Variants in ZNF500 observed in about 807,000 individuals in gnomAD.
ZNF500 encodes the protein zinc finger protein 500, also known as zinc finger protein with KRAB and SCAN domains 18.
In ZNF500, 31 loss-of-function variants were observed where a neutral mutation model predicts 30.1. The ratio of observed to expected loss-of-function variants is 1.03; its 90% CI spans 0.77 to 1.39. The LOEUF (loss-of-function observed/expected upper bound fraction) is 1.39. Ranked by LOEUF, ZNF500 falls within the 40% of genes most tolerant of loss-of-function variation. The pLI is 0.00. For synonymous variants in ZNF500, 392 were observed against 282.0 expected, an observed-to-expected ratio of 1.39 and a Z score of -3.91; for missense variants, 817 against 657.8, an observed-to-expected ratio of 1.24 and a Z score of -2.65.
chr16:4,766,164 GC>G, intron 1 of ZNF500, 88 bp from the exon 2 acceptor site: 1 of 542,314 alleles, frequency 1.8e-6, no homozygotes, highest in Non-Finnish European at 3.0e-6. Context: ...TGGTTCCAAG[GC>G]CAGCTCACCC....
chr16:4,747,707 GTT>G, downstream of ZNF500: 2 of 1,461,750 alleles, frequency 1.4e-6, no homozygotes, highest in South Asian at 2.8e-5. Flanking sequence ...TCCCCTTGTT[GTT>G]CCTGCATTTC....
At chr16:4,747,455 C>T (rs781595597), downstream of ZNF500, 33 of 1,613,092 alleles carry the variant, frequency 2.0e-5, no homozygotes, top group South Asian at 3.6e-4. Context: ...GGCTCAGGCC[C>T]CTGAAGACAC....
intron 5 of ZNF500, among the ~76,000 whole-genome samples, chr16:4,759,940 G>C (rs1048536186): frequency 1.3e-5 from 2 of 152,242 alleles, no homozygotes; most frequent in South Asian, 4.1e-4. Flanking sequence ...TTGGGAGGCT[G>C]AGGTGGGAGC....
At chr16:4,744,577 G>A (rs2081989122), downstream of ZNF500, among the ~76,000 whole-genome samples, 1 of 151,948 alleles carries the variant, frequency 6.6e-6, no homozygotes, top group South Asian at 2.1e-4. Context: ...GATCACCTGT[G>A]ACAAGTGGGA....
chr16:4,767,038 G>T lies in ZNF500; in HGVS notation c.-120C>A, dbSNP rs916978504. The T allele has an allele frequency of 6.6e-6, 1 of 152,308 alleles. No homozygotes were observed. The highest frequency in any genetic ancestry group is 1.5e-5 in the Non-Finnish European group (1 of 68,080). 9.4% of individuals were successfully genotyped at this position (152,308 alleles called of 1,614,324 possible). A position where few individuals can be genotyped will look rare whatever the true frequency, so the allele number is the denominator to read the frequency against. On this transcript the variant is annotated 5_prime_UTR_variant, in exon 1 of 6. Coordinates refer to ENST00000219478, the MANE Select transcript of ZNF500 (RefSeq NM_021646.4). ...TCACTGGAAGCGCTGCCGGCCGTGG[G>T]CAGTTCGGGGCAGGACCGGAGCGGC...
downstream of ZNF500, chr16:4,748,218 AT>A (rs397855703): frequency 0.49 from 55,375 of 111,938 alleles, 11,828 homozygotes; most frequent in East Asian, 0.59. Context: ...TGTCCAGCTA[AT>A]TTTTTTTTTT....
Position 4,748,682 on chromosome 16 carries a change from C to G in ZNF500, c.*3694G>C, listed in dbSNP as rs1014968535. On this transcript the variant is annotated 3_prime_UTR_variant, in exon 6 of 6. Coordinates refer to ENST00000219478, the MANE Select transcript of ZNF500 (RefSeq NM_021646.4). Reference sequence around the variant, plus strand: ...ATGCTTTTGTAACTGCTGTGATCAGCCCTGACCTGGGCACCTGTTTGTCTC... The same window carrying G: ...ATGCTTTTGTAACTGCTGTGATCAGGCCTGACCTGGGCACCTGTTTGTCTC... 6.6e-6 allele frequency: 1 copy of G among 152,540 alleles called. No homozygotes were observed. The highest frequency in any genetic ancestry group is 2.4e-5 in the African/African-American group (1 of 41,464). 9.4% of individuals were successfully genotyped at this position (152,540 alleles called of 1,614,324 possible).
At chr16:4,765,462 A>G (rs967031766) in intron 2 of ZNF500, 103 bp downstream of exon 2, 44 of 1,471,428 alleles carry the variant, frequency 3.0e-5, no homozygotes, top group Non-Finnish European at 3.9e-5. Context: ...CTCAGGGGCC[A>G]GGCAGCCACA....
chr16:4,750,444 CA>C lies in ZNF500; in HGVS notation c.*1931del, dbSNP rs1334677062. 5 of 152,170 alleles carry C rather than the reference CA, an allele frequency of 3.3e-5. No homozygotes were observed. The highest frequency in any genetic ancestry group is 4.8e-5 in the African/African-American group (2 of 41,404). The allele number at this position is 152,170 out of a possible 1,614,324, so 9.4% of individuals were successfully genotyped here. The stretch of plus-strand genomic sequence containing the variant: ...CTGGGCTCAAGTGATCCTCCAGCCT[CA>C]GCCTCTCAAGTAGCTGGGACTACAG... On this transcript the variant is annotated 3_prime_UTR_variant, in exon 6 of 6. Coordinates refer to ENST00000219478, the MANE Select transcript of ZNF500 (RefSeq NM_021646.4).
At position 4,751,902 on chromosome 16, in the gene ZNF500, C is replaced by A. The variant is rs542891145; in HGVS notation, c.*474G>T. 1.3e-5 allele frequency: 4 copies of A among 306,988 alleles called. No homozygotes were observed. Among genetic ancestry groups the A allele is most frequent in the South Asian group, 1.1e-4 (1 of 9,322 alleles). The allele number at this position is 306,988 out of a possible 1,614,324, so 19.0% of individuals were successfully genotyped here. On this transcript the variant is annotated 3_prime_UTR_variant, in exon 6 of 6. Coordinates refer to ENST00000219478, the MANE Select transcript of ZNF500 (RefSeq NM_021646.4). ...CCGCCTGGGGGACACAGCAAGGCCC[C>A]GTCTCAAAAAAAAAAGGGGGGGGGA...
At position 4,749,490 on chromosome 16, in the gene ZNF500, C is replaced by G. The variant is rs972341214; in HGVS notation, c.*2886G>C. 3.2e-5 allele frequency: 5 copies of G among 154,352 alleles called. No individual in the cohort carries two copies. Among genetic ancestry groups the G allele is most frequent in the African/African-American group, 1.2e-4 (5 of 41,520 alleles). The allele number at this position is 154,352 out of a possible 1,614,324, so 9.6% of individuals were successfully genotyped here. On this transcript the variant is annotated 3_prime_UTR_variant, in exon 6 of 6. Transcript: ENST00000219478. Reference sequence around the variant, plus strand: ...CTCTGCCACCTGGGCAAGGTTTTCACGCTCCCAGTGCCCAGTTCCTCCACC... The same window carrying G: ...CTCTGCCACCTGGGCAAGGTTTTCAGGCTCCCAGTGCCCAGTTCCTCCACC...
At chr16:4,744,951 G>T, downstream of ZNF500, 3 of 1,613,968 alleles carry the variant, frequency 1.9e-6, no homozygotes, top group Non-Finnish European at 1.7e-6. Context: ...GCCTCTGCTT[G>T]TGCCCGGAAG....
rs748368935 is a variant in ZNF500 at position 4,753,072 on chromosome 16, A to G, written c.761-14T>C. ...GGATCCCAGGTCCTGAGACAGAGAA[A>G]GCACGATCTCTAGGAACTCACAGCA... On this transcript the variant is annotated splice_polypyrimidine_tract_variant and intron_variant, in intron 5 of 5. Coordinates refer to ENST00000219478, the MANE Select transcript of ZNF500 (RefSeq NM_021646.4). The G allele has an allele frequency of 6.6e-7, 1 of 1,505,818 alleles. No homozygotes were observed. Among genetic ancestry groups the G allele is most frequent in the Non-Finnish European group, 8.8e-7 (1 of 1,134,372 alleles). 93.3% of individuals were successfully genotyped at this position (1,505,818 alleles called of 1,614,324 possible). A position where few individuals can be genotyped will look rare whatever the true frequency, so the allele number is the denominator to read the frequency against.
intron 3 of ZNF500, 35 bp downstream of exon 3, chr16:4,762,538 A>C: frequency 6.3e-7 from 1 of 1,584,138 alleles, no homozygotes; most frequent in Non-Finnish European, 8.6e-7. Context: ...CCTCCCCTGC[A>C]CCACTTCTCA....
intron 5 of ZNF500, chr16:4,756,437 T>C (rs1017459643): frequency 4.0e-5 from 6 of 151,882 alleles, no homozygotes; most frequent in Admixed American, 3.9e-4. Context: ...TGAGCCGAGA[T>C]CATGCCACTG....
In ZNF500 at chr16:4,748,489, A is replaced by G. The variant is rs2082047192; in HGVS notation, c.*3887T>C. On this transcript the variant is annotated 3_prime_UTR_variant, in exon 6 of 6. Transcript: ENST00000219478. ...AGACAGAATACTGGAAACCCCTGGA[A>G]ATGCTGTCCTGTGTAGAATGGAGCA... 1 of 152,186 alleles carries G rather than the reference A, an allele frequency of 6.6e-6. No homozygotes were observed. Among genetic ancestry groups the G allele is most frequent in the Admixed American group, 6.5e-5 (1 of 15,268 alleles). 9.4% of individuals were successfully genotyped at this position (152,186 alleles called of 1,614,324 possible). A position where few individuals can be genotyped will look rare whatever the true frequency, so the allele number is the denominator to read the frequency against.
chr16:4,760,731 C>G (rs368040204), intron 4 of ZNF500, 143 bp from the exon 5 acceptor site: 4 of 675,484 alleles, frequency 5.9e-6, no homozygotes, highest in East Asian at 2.8e-5. Context: ...TCTCCACTCT[C>G]GTTGCAGTGG....
intron 2 of ZNF500, chr16:4,763,621 C>T (rs993781436): frequency 4.1e-6 from 4 of 985,268 alleles, no homozygotes; most frequent in Non-Finnish European, 4.8e-6. Flanking sequence ...TCTAAGGGAG[C>T]GTAGTCCCCT....
In ZNF500 at chr16:4,751,923, G is replaced by GT; in HGVS notation, c.*452_*453insA. On this transcript the variant is annotated 3_prime_UTR_variant, in exon 6 of 6. Coordinates refer to ENST00000219478, the MANE Select transcript of ZNF500 (RefSeq NM_021646.4). ...GCCCCGTCTCAAAAAAAAAAGGGGG[G>GT]GGGAGCAGGTGGGGGGTACACACAG... The GT allele has an allele frequency of 2.9e-6, 1 of 342,150 alleles. No homozygotes were observed. The allele number at this position is 342,150 out of a possible 1,614,324, so 21.2% of individuals were successfully genotyped here.
Sources: gnomAD v4.1 joint callset for allele counts (sites outside exome capture counted in the v4.1 genomes callset) on GRCh38, gnomAD v4.1.1 for gene constraint, MANE v1.5 for transcripts, NCBI Gene and HGNC (gene_info 2026-07-23, HGNC 2026-07-21) for gene names.